Variants in TMCC1 observed in about 807,000 individuals in gnomAD.
The protein encoded by TMCC1 is transmembrane and coiled-coil domains protein 1.
TMCC1 carries 15 observed loss-of-function variants against 52.4 expected under a neutral mutation model. That is an observed-to-expected ratio of 0.29 (90% confidence interval 0.19 to 0.44). The LOEUF is 0.44. Among genes scored for constraint, TMCC1 ranks in the 20% least tolerant of loss-of-function variants. TMCC1 has a pLI of 1.00. For missense variants in TMCC1, 503 were observed against 806.0 expected (o/e 0.62, Z 4.55); for synonymous variants, 279 against 301.9 (o/e 0.92, Z 0.79).
chr3:129,651,510 C>A lies in TMCC1; in HGVS notation c.1933G>T (p.Val645Leu). 1 of 1,614,122 alleles carries A rather than the reference C, an allele frequency of 6.2e-7. No individual in the cohort carries two copies. The highest frequency in any genetic ancestry group is 1.1e-5 in the South Asian group (1 of 91,074). Reference protein sequence around the residue: ...WKHWDALFSYVERFFSSPR With the variant: ...WKHWDALFSYLERFFSSPR The stretch of plus-strand genomic sequence containing the variant: ...CTAGGGGATGAAAAGAACCGTTCCA[C>A]ATAGCTGAAGAGGGCGTCCCAGTGC... The change falls in exon 7 of 7, where the codon GTG (valine) becomes TTG (leucine). Residue 645 changes from valine to leucine, a missense_variant. Around this residue, in one of 7 missense-constraint regions of TMCC1, gnomAD observed 50 missense variants for 62.6 expected, o/e 0.80. Transcript: ENST00000393238. The surrounding 1 kb of genome is among the most constrained non-coding windows in gnomAD (Gnocchi z 5.1).
chr3:129,737,731 C>T (rs1576635186), intron 4 of TMCC1, among the ~76,000 whole-genome samples: 1 of 152,228 alleles, frequency 6.6e-6, no homozygotes, highest in East Asian at 1.9e-4. Context: ...AATACTTCAG[C>T]ACATATCTCC....
At chr3:129,732,555 A>G (rs575561424) in intron 4 of TMCC1, among the ~76,000 whole-genome samples, 1 of 152,316 alleles carries the variant, frequency 6.6e-6, no homozygotes, top group East Asian at 1.9e-4. Flanking sequence ...ATCTCCCAGT[A>G]CTTTCTAGGT....
At chr3:129,706,289 C>T (rs542795287) in intron 4 of TMCC1, among the ~76,000 whole-genome samples, 157 of 151,542 alleles carry the variant, frequency 1.0e-3, no homozygotes, top group African/African-American at 3.4e-3. Flanking sequence ...CTGCAACCTC[C>T]GCCTCCTGGG....
At chr3:129,728,725 T>C (rs1004940357) in intron 4 of TMCC1, among the ~76,000 whole-genome samples, 1 of 152,332 alleles carries the variant, frequency 6.6e-6, no homozygotes. Flanking sequence ...TCCAAAAGAC[T>C]TCCTTATATA....
At chr3:129,744,320 T>G (rs889337226) in intron 4 of TMCC1, among the ~76,000 whole-genome samples, 74 of 152,280 alleles carry the variant, frequency 4.9e-4, no homozygotes, top group African/African-American at 1.8e-3. Context: ...CTTTTCTAGT[T>G]TTATTTTTAA....
intron 2 of TMCC1, among the ~76,000 whole-genome samples, chr3:129,862,974 G>A (rs2060462113): frequency 6.6e-6 from 1 of 152,118 alleles, no homozygotes; most frequent in South Asian, 2.1e-4. Context: ...TAGCTAAGAT[G>A]TTATTATCAT....
At chr3:129,733,001 T>C (rs1314188864) in intron 4 of TMCC1, among the ~76,000 whole-genome samples, 3 of 152,182 alleles carry the variant, frequency 2.0e-5, no homozygotes, top group African/African-American at 4.8e-5. Flanking sequence ...CCTGAGGATA[T>C]GAGAGAGGTG....
intron 4 of TMCC1, among the ~76,000 whole-genome samples, chr3:129,821,319 T>C (rs1231240762): frequency 3.3e-5 from 5 of 152,192 alleles, no homozygotes; most frequent in Admixed American, 6.5e-5. Flanking sequence ...CCCTAAGCAC[T>C]AATTACTTCA....
At chr3:129,784,838 C>A (rs1184083712) in intron 4 of TMCC1, among the ~76,000 whole-genome samples, 1 of 151,974 alleles carries the variant, frequency 6.6e-6, no homozygotes, top group East Asian at 1.9e-4. Flanking sequence ...GTGGTGCATG[C>A]CTGTAGTCCC....
At chr3:129,856,071 G>A (rs2060134817) in intron 2 of TMCC1, among the ~76,000 whole-genome samples, 1 of 152,170 alleles carries the variant, frequency 6.6e-6, no homozygotes, top group African/African-American at 2.4e-5. Context: ...TGCCACCACT[G>A]GGGGAAGCTA....
intron 4 of TMCC1, among the ~76,000 whole-genome samples, chr3:129,797,640 G>A (rs923961201): frequency 1.3e-5 from 2 of 151,942 alleles, no homozygotes; most frequent in African/African-American, 4.8e-5. Context: ...AGCTACTCAG[G>A]AGGCTGGAGT....
chr3:129,882,210 A>C (rs1041663862), intron 1 of TMCC1, among the ~76,000 whole-genome samples: 1 of 152,200 alleles, frequency 6.6e-6, no homozygotes, highest in African/African-American at 2.4e-5. Context: ...TGGGCAAAGG[A>C]TATTTCTACG....
At chr3:129,803,128 A>G (rs1474921277) in intron 4 of TMCC1, among the ~76,000 whole-genome samples, 2 of 152,260 alleles carry the variant, frequency 1.3e-5, no homozygotes, top group East Asian at 3.9e-4. Context: ...CCCTCATGAC[A>G]TAATCATTTT....
intron 4 of TMCC1, among the ~76,000 whole-genome samples, chr3:129,674,729 A>C (rs919724585): frequency 6.6e-6 from 1 of 152,222 alleles, no homozygotes. Context: ...AGGCATTAAT[A>C]CTTAGCACTT....
intron 5 of TMCC1, among the ~76,000 whole-genome samples, chr3:129,657,925 AT>A (rs1461657279): frequency 6.6e-6 from 1 of 152,206 alleles, no homozygotes; most frequent in African/African-American, 2.4e-5. Context: ...ATGAAAACTT[AT>A]TTCTTCTATA....
At chr3:129,800,433 A>G (rs770945242) in intron 4 of TMCC1, among the ~76,000 whole-genome samples, 14 of 151,550 alleles carry the variant, frequency 9.2e-5, no homozygotes, top group Non-Finnish European at 1.9e-4. Flanking sequence ...ACTAATTTAC[A>G]CTCTTACAAT....
At chr3:129,839,209 T>C (rs1047924427) in intron 2 of TMCC1, among the ~76,000 whole-genome samples, 2 of 152,178 alleles carry the variant, frequency 1.3e-5, no homozygotes, top group Admixed American at 1.3e-4. Flanking sequence ...GCAGTAACAA[T>C]GTATTGGATA....
At chr3:129,755,819 C>T (rs1179172155) in intron 4 of TMCC1, among the ~76,000 whole-genome samples, 1 of 152,080 alleles carries the variant, frequency 6.6e-6, no homozygotes, top group African/African-American at 2.4e-5. Flanking sequence ...AAGAAACTGC[C>T]AAGGCTGGGG....
intron 1 of TMCC1, among the ~76,000 whole-genome samples, chr3:129,883,334 C>T (rs1037499721): frequency 6.6e-6 from 1 of 151,200 alleles, no homozygotes; most frequent in Non-Finnish European, 1.5e-5. Flanking sequence ...TAAAATGGGC[C>T]GGGTGTGTTG....
Sources: gnomAD v4.1 joint callset for allele counts (sites outside exome capture counted in the v4.1 genomes callset) on GRCh38, gnomAD v4.1.1 for gene constraint, gnomAD v4.1.1 regional missense constraint, Gnocchi (gnomAD v3.1) non-coding constraint, MANE v1.5 for transcripts, NCBI Gene and HGNC (gene_info 2026-07-23, HGNC 2026-07-21) for gene names.